Variants in QTRT2 observed in about 807,000 individuals in gnomAD.
The protein encoded by QTRT2 is queuine tRNA-ribosyltransferase accessory subunit 2.
Under a neutral mutation model 44.8 loss-of-function variants are expected in QTRT2, and 32 were observed. That is an observed-to-expected ratio of 0.71 (90% CI 0.54 to 0.96). The LOEUF is 0.96. Ranked by LOEUF, QTRT2 falls within the 40% of genes least tolerant of loss-of-function variation. The pLI, the probability that QTRT2 is intolerant of heterozygous loss-of-function variation, is 0.00. For synonymous variants in QTRT2, 182 were observed against 187.4 expected, an observed-to-expected ratio of 0.97 and a Z score of 0.24; for missense variants, 461 against 503.1, an observed-to-expected ratio of 0.92 and a Z score of 0.80.
At chr3:114,058,959 A>G (rs941373289) in intron 2 of QTRT2, among the ~76,000 whole-genome samples, 1 of 152,236 alleles carries the variant, frequency 6.6e-6, no homozygotes, top group African/African-American at 2.4e-5. Flanking sequence ...AGAGAGGGGT[A>G]AGAGATGCTG....
rs773469773 is a variant in QTRT2, at chr3:114,068,113, A to G, written c.333+50A>G. 2.2e-5 allele frequency: 33 copies of G among 1,471,044 alleles called. 1 individual carries two copies. Among genetic ancestry groups the G allele is most frequent in the Non-Finnish European group, 3.1e-5 (33 of 1,049,998 alleles). The allele number at this position is 1,471,044 out of a possible 1,614,324, so 91.1% of individuals were successfully genotyped here. ...GGCTGCAGCTTTGTCCCAGGAAGTC[A>G]GCCTATGGTGTATCCCTCAGATGCT... On this transcript the variant is annotated intron_variant, in intron 5 of 9. Transcript: ENST00000281273.
chr3:114,080,509 A>G (rs1488396133), intron 8 of QTRT2, among the ~76,000 whole-genome samples: 2 of 152,072 alleles, frequency 1.3e-5, no homozygotes, highest in Non-Finnish European at 2.9e-5. Context: ...TTAATACACC[A>G]GGCTTTGAAA....
At chr3:114,075,027 A>G (rs888683498) in intron 6 of QTRT2, among the ~76,000 whole-genome samples, 28 of 152,332 alleles carry the variant, frequency 1.8e-4, no homozygotes, top group African/African-American at 6.5e-4. Context: ...ACCTTGGCAC[A>G]TGTGAATGAG....
At position 114,076,836 on chromosome 3, in the gene QTRT2, G is replaced by A. The variant is rs746696974; in HGVS notation, c.640G>A (p.Val214Met). 6 of 1,614,114 alleles carry A rather than the reference G, an allele frequency of 3.7e-6. No individual in the cohort carries two copies. In the Admixed American group the frequency reaches 6.7e-5, roughly 18 times the overall value. Reference protein sequence around the residue: ...RSARETAKRPVGGFLLDGFQG... With the variant: ...RSARETAKRPMGGFLLDGFQG... Reference sequence around the variant, plus strand: ...AGCACGAGAGACAGCCAAGCGGCCTGTGGGTGGCTTCCTTCTGGATGGTTT... The same window carrying A: ...AGCACGAGAGACAGCCAAGCGGCCTATGGGTGGCTTCCTTCTGGATGGTTT... Residue 214 changes from valine to methionine, a missense_variant, in exon 7 of 10, where the codon GTG becomes ATG. Val to Met is a conservative substitution (Grantham distance 21, BLOSUM62 1). Transcript: ENST00000281273.
intron 8 of QTRT2, 52 bp from the exon 9 acceptor site, chr3:114,082,625 G>A (rs72960764): frequency 0.016 from 10,097 of 645,742 alleles, 388 homozygotes; most frequent in African/African-American, 0.095. Flanking sequence ...GTTTCCAATG[G>A]CCACTTCTTA....
intron 2 of QTRT2, among the ~76,000 whole-genome samples, chr3:114,060,634 A>G (rs1286677304): frequency 6.6e-6 from 1 of 152,214 alleles, no homozygotes; most frequent in Non-Finnish European, 1.5e-5. Context: ...TCCTATCTAT[A>G]CATACCTATA....
intron 2 of QTRT2, among the ~76,000 whole-genome samples, chr3:114,059,600 A>C (rs2076855485): frequency 6.8e-6 from 1 of 146,372 alleles, no homozygotes; most frequent in Non-Finnish European, 1.5e-5. Context: ...CTAGCTCTGG[A>C]CAAAATTCCA....
At chr3:114,079,574 T>C (rs2077138067) in intron 7 of QTRT2, 1 of 175,426 alleles carries the variant, frequency 5.7e-6, no homozygotes, top group Non-Finnish European at 1.2e-5. Context: ...TTTTCAAATA[T>C]CTCATTAATC....
Position 114,068,185 on chromosome 3 carries a change from G to A in QTRT2, c.333+122G>A, listed in dbSNP as rs551342695. On this transcript the variant is annotated intron_variant, in intron 5 of 9. Transcript: ENST00000281273. Reference sequence around the variant, plus strand: ...ATCCCTTATACCTTTTCCTTATTTCGATAATTATAGTGGGATGGGATGGTT... The same window carrying A: ...ATCCCTTATACCTTTTCCTTATTTCAATAATTATAGTGGGATGGGATGGTT... The A allele has an allele frequency of 4.6e-4, 359 of 775,378 alleles. 3 individuals carry two copies. The highest frequency in any genetic ancestry group is 4.5e-3 in the South Asian group (306 of 67,274). The allele number at this position is 775,378 out of a possible 1,614,324, so 48.0% of individuals were successfully genotyped here. A position where few individuals can be genotyped will look rare whatever the true frequency, so the allele number is the denominator to read the frequency against.
intron 2 of QTRT2, among the ~76,000 whole-genome samples, chr3:114,058,549 T>A (rs2076840470): frequency 6.6e-6 from 1 of 152,238 alleles, no homozygotes; most frequent in South Asian, 2.1e-4. Context: ...TTTCTTTTTT[T>A]TGAGACGGCA....
intron 4 of QTRT2, chr3:114,066,687 G>T (rs2076958142): frequency 6.3e-6 from 1 of 159,876 alleles, no homozygotes; most frequent in Admixed American, 6.2e-5. Flanking sequence ...TGAGAGAGAA[G>T]TTGAGGGGCA....
chr3:114,083,015 T>C, intron 9 of QTRT2: 1 of 509,666 alleles, frequency 2.0e-6, no homozygotes, highest in East Asian at 4.2e-5. Context: ...TAATGATTGC[T>C]TTAGAAAAGC....
In QTRT2 at chr3:114,080,000, G is replaced by A. The variant is rs149531874; in HGVS notation, c.841G>A (p.Glu281Lys). The change falls in exon 8 of 10, where the codon GAG (glutamate) becomes AAG (lysine). Residue 281 changes from glutamate to lysine, a missense_variant. Transcript: ENST00000281273. ...FESFFPYQVT[E>K]RGCALTFSFD... Reference sequence around the variant, plus strand: ...GAGTTTTTTCCCTTATCAAGTAACAGAGCGGGGATGTGCCCTGACTTTCAG... The same window carrying A: ...GAGTTTTTTCCCTTATCAAGTAACAAAGCGGGGATGTGCCCTGACTTTCAG... 412 of 1,613,730 alleles carry A rather than the reference G, an allele frequency of 2.6e-4. No homozygotes were observed. The highest frequency in any genetic ancestry group is 9.9e-4 in the Middle Eastern group (6 of 6,062).
At chr3:114,083,589 T>C (rs2077196228) in intron 9 of QTRT2, among the ~76,000 whole-genome samples, 1 of 152,220 alleles carries the variant, frequency 6.6e-6, no homozygotes, top group Non-Finnish European at 1.5e-5. Flanking sequence ...TTGAGTCTGA[T>C]GCACTCACTT....
At position 114,085,722 on chromosome 3, in the gene QTRT2, T is replaced by C; in HGVS notation, c.1066T>C (p.Cys356Arg). 1.2e-6 allele frequency: 2 copies of C among 1,614,220 alleles called. No individual in the cohort carries two copies. The highest frequency in any genetic ancestry group is 1.7e-6 in the Non-Finnish European group (2 of 1,180,030). ...GGTGAGAGGATGTTCCTGTTACTGC[T>C]GTAAGAATCACACTCGGGCATACAT... ...PLVRGCSCYC[C>R]KNHTRAYIHH... is the part of the protein sequence containing the mutation. The change falls in exon 10 of 10, where the codon TGT (cysteine) becomes CGT (arginine). Residue 356 changes from cysteine (C) to arginine (R), a missense_variant. Coordinates refer to ENST00000281273, the MANE Select transcript of QTRT2 (RefSeq NM_024638.4).
chr3:114,061,062 G>A (rs1010313417), intron 2 of QTRT2, among the ~76,000 whole-genome samples: 1 of 152,184 alleles, frequency 6.6e-6, no homozygotes, highest in Non-Finnish European at 1.5e-5. Flanking sequence ...CGTTTAATAT[G>A]TTTGGACCTC....
At chr3:114,072,746 C>T (rs574190006) in intron 6 of QTRT2, among the ~76,000 whole-genome samples, 6 of 152,072 alleles carry the variant, frequency 3.9e-5, no homozygotes, top group Admixed American at 6.6e-5. Flanking sequence ...TTAGGGATGG[C>T]GAATGGGTTT....
chr3:114,060,612 C>G (rs946482388), intron 2 of QTRT2, among the ~76,000 whole-genome samples: 3 of 152,060 alleles, frequency 2.0e-5, no homozygotes, highest in Non-Finnish European at 4.4e-5. Flanking sequence ...AATAGACAGA[C>G]AGTATGATGT....
chr3:114,065,420 G>C lies in QTRT2; in HGVS notation c.163G>C (p.Gly55Arg), dbSNP rs572032434. ...CCATCACACGCTGCATAATATCCAC[G>C]GGGTTCCTGCCATGGCTCAGCTTAC... ...LTHHTLHNIH[G>R]VPAMAQLTLS... The change falls in exon 3 of 10, where the codon GGG becomes CGG. Residue 55 changes from glycine (G) to arginine (R), a missense_variant. Transcript: ENST00000281273. 7.4e-6 allele frequency: 12 copies of C among 1,614,020 alleles called. No homozygotes were observed. Among genetic ancestry groups the C allele is most frequent in the Admixed American group, 6.7e-5 (4 of 59,978 alleles).
Sources: gnomAD v4.1 joint callset for allele counts (sites outside exome capture counted in the v4.1 genomes callset) on GRCh38, gnomAD v4.1.1 for gene constraint, MANE v1.5 for transcripts, NCBI Gene and HGNC (gene_info 2026-07-23, HGNC 2026-07-21) for gene names.